The following DPP6 variants were observed in gnomAD, a reference collection of about 807,000 sequenced individuals.
The protein encoded by DPP6 is A-type potassium channel modulatory protein DPP6.
A neutral mutation model predicts 122.6 loss-of-function variants in DPP6; 69 were observed. The ratio of observed to expected loss-of-function variants is 0.56; its 90% CI spans 0.46 to 0.69. The LOEUF is 0.69. DPP6 is among the 30% of genes least tolerant of loss of function. The pLI, the probability that DPP6 is intolerant of heterozygous loss-of-function variation, is 0.00. For synonymous variants in DPP6, 418 were observed against 433.1 expected (o/e 0.97, Z 0.43); for missense variants, 928 against 1,116.9 (o/e 0.83, Z 2.41).
chr7:154,216,125 G>A (rs1220781150), intron 1 of DPP6, among the ~76,000 whole-genome samples: 1 of 152,172 alleles, frequency 6.6e-6, no homozygotes, highest in East Asian at 1.9e-4. Flanking sequence ...GAACAGAGGA[G>A]AAGCCCAGAG....
intron 8 of DPP6, among the ~76,000 whole-genome samples, chr7:154,766,551 C>T (rs559740409): frequency 6.6e-6 from 1 of 152,288 alleles, no homozygotes; most frequent in Middle Eastern, 3.4e-3. Context: ...AAGTGATCCA[C>T]CCACCTCAGC....
At chr7:154,007,259 A>AT (rs1461998163) in intron 1 of DPP6, among the ~76,000 whole-genome samples, 1 of 152,256 alleles carries the variant, frequency 6.6e-6, no homozygotes, top group East Asian at 1.9e-4. Flanking sequence ...AGAATCCCAC[A>AT]TTCACTCAAC....
intron 1 of DPP6, among the ~76,000 whole-genome samples, chr7:154,445,842 G>C (rs1819820856): frequency 6.6e-6 from 1 of 152,096 alleles, no homozygotes; most frequent in Admixed American, 6.5e-5. Flanking sequence ...TAGTTGGGTT[G>C]GATTCAATGA....
the DPP6 span, among the ~76,000 whole-genome samples, chr7:153,842,115 A>C: frequency 6.6e-6 from 1 of 152,218 alleles, no homozygotes; most frequent in Non-Finnish European, 1.5e-5. Flanking sequence ...CCTATAAATA[A>C]AAATCAAACA....
chr7:154,794,598 C>A (rs1797903591), intron 11 of DPP6, among the ~76,000 whole-genome samples: 1 of 152,240 alleles, frequency 6.6e-6, no homozygotes, highest in African/African-American at 2.4e-5. Context: ...CCTCCCCCAG[C>A]GGGCTCCAGG....
chr7:153,877,857 T>G, the DPP6 span, among the ~76,000 whole-genome samples: 17 of 151,850 alleles, frequency 1.1e-4, no homozygotes, highest in African/African-American at 4.1e-4. Context: ...TTTGCAATGC[T>G]TATTAACTGA....
chr7:154,028,584 A>G (rs1328959869), intron 1 of DPP6, among the ~76,000 whole-genome samples: 1 of 151,626 alleles, frequency 6.6e-6, no homozygotes, highest in Non-Finnish European at 1.5e-5. Flanking sequence ...ACTTGCCCAC[A>G]TCTTCTCATC....
chr7:154,813,114 T>C (rs902155788), intron 16 of DPP6, among the ~76,000 whole-genome samples: 6 of 151,678 alleles, frequency 4.0e-5, no homozygotes, highest in East Asian at 1.9e-4. Context: ...AGAGTCTCGC[T>C]CTGTTGCCCA....
intron 1 of DPP6, among the ~76,000 whole-genome samples, chr7:154,428,546 G>A (rs551090890): frequency 1.5e-4 from 23 of 152,204 alleles, no homozygotes; most frequent in Admixed American, 1.1e-3. Flanking sequence ...ACACCTGCAC[G>A]CATAGGCTTA....
At chr7:154,343,603 C>CA (rs958667237) in intron 1 of DPP6, among the ~76,000 whole-genome samples, 1 of 152,152 alleles carries the variant, frequency 6.6e-6, no homozygotes, top group African/African-American at 2.4e-5. Flanking sequence ...GTTTTTGAAA[C>CA]AGAGTCTTTC....
chr7:154,857,717 C>T (rs1354113433), intron 17 of DPP6, among the ~76,000 whole-genome samples: 1 of 152,128 alleles, frequency 6.6e-6, no homozygotes, highest in Non-Finnish European at 1.5e-5. Flanking sequence ...GTGGTTGGAC[C>T]ACATCAGAGC....
At chr7:154,136,721 T>A (rs976754402) in intron 1 of DPP6, among the ~76,000 whole-genome samples, 1 of 152,180 alleles carries the variant, frequency 6.6e-6, no homozygotes, top group Non-Finnish European at 1.5e-5. Context: ...TAAAGAACAC[T>A]AAAATGTTAA....
At chr7:153,883,445 C>A (rs947844380), upstream of DPP6, among the ~76,000 whole-genome samples, 4 of 151,952 alleles carry the variant, frequency 2.6e-5, no homozygotes, top group African/African-American at 9.7e-5. Flanking sequence ...TGCAATGGCA[C>A]AATCTCGGCT....
chr7:154,119,456 A>G (rs1413606437), intron 1 of DPP6, among the ~76,000 whole-genome samples: 1 of 151,964 alleles, frequency 6.6e-6, no homozygotes, highest in Non-Finnish European at 1.5e-5. Flanking sequence ...AAAGCTTGCA[A>G]GAATTGTGCT....
In DPP6 at chr7:154,173,221, C is replaced by T. The variant is rs373774725; in HGVS notation, c.243+120158C>T. Among the ~76,000 whole-genome samples, 22 of 152,282 alleles carry T rather than the reference C, an allele frequency of 1.4e-4. No homozygotes were observed. In the South Asian group the frequency reaches 4.6e-3, roughly 32 times the overall value. ...AGTATTTGTATAACAAAAATGGTTT[C>T]TGACTGTGCCAGCGTGGGACGAATG... On this transcript the variant is annotated intron_variant, in intron 1 of 25. Transcript: ENST00000377770.
chr7:154,616,681 T>C (rs1563015728), intron 5 of DPP6, among the ~76,000 whole-genome samples: 1 of 152,112 alleles, frequency 6.6e-6, no homozygotes, highest in Non-Finnish European at 1.5e-5. Context: ...TAGGTTCAAT[T>C]AAGTAAATAG....
chr7:154,645,114 G>A (rs1836371267), intron 6 of DPP6, among the ~76,000 whole-genome samples: 1 of 146,998 alleles, frequency 6.8e-6, no homozygotes, highest in South Asian at 2.2e-4. Flanking sequence ...CCAGGCTGGA[G>A]TGCAGTGGTG....
rs113018171 is a variant in DPP6, at chr7:154,275,926, C to G, written c.244-170288C>G. 7.6e-3 allele frequency among the ~76,000 whole-genome samples: 1,151 copies of G among 152,332 alleles called. 22 individuals carry two copies. Among genetic ancestry groups the G allele is most frequent in the African/African-American group, 0.025 (1,032 of 41,560 alleles). ...CCCTCCGGCTCCAAATCAAATAGCT[C>G]TGAATTCAGAATGCAATTTGAAAAC... is the stretch of plus-strand genomic sequence containing the variant. On this transcript the variant is annotated intron_variant, in intron 1 of 25. Coordinates refer to ENST00000377770, the MANE Select transcript of DPP6 (RefSeq NM_130797.4).
At chr7:154,326,662 G>A (rs933187960) in intron 1 of DPP6, among the ~76,000 whole-genome samples, 45 of 152,306 alleles carry the variant, frequency 3.0e-4, no homozygotes, top group African/African-American at 9.6e-4. Flanking sequence ...TAAAACATTT[G>A]CAGGCTACTG....
Sources: gnomAD v4.1 joint callset for allele counts (sites outside exome capture counted in the v4.1 genomes callset) on GRCh38, gnomAD v4.1.1 for gene constraint, MANE v1.5 for transcripts, NCBI Gene and HGNC (gene_info 2026-07-23, HGNC 2026-07-21) for gene names.